The following MATN2 variants were observed in gnomAD, a reference collection of about 807,000 sequenced individuals.
MATN2 encodes matrilin 2.
In MATN2, 69 loss-of-function variants were observed where a neutral mutation model predicts 103.2. The observed-to-expected ratio is 0.67, with a 90% CI of 0.55 to 0.82. The LOEUF (loss-of-function observed/expected upper bound fraction) is 0.82. Ranked by LOEUF, MATN2 falls within the 40% of genes least tolerant of loss-of-function variation. The probability of loss-of-function intolerance (pLI) is 0.00; values close to 1 mark genes in which losing one functional copy is unlikely to be tolerated. For synonymous variants in MATN2, 429 were observed against 450.2 expected, an observed-to-expected ratio of 0.95 and a Z score of 0.60; for missense variants, 1,023 against 1,211.5, an observed-to-expected ratio of 0.84 and a Z score of 2.31.
chr8:97,970,045 G>T (rs758414866), intron 5 of MATN2, among the ~76,000 whole-genome samples: 1 of 152,228 alleles, frequency 6.6e-6, no homozygotes, highest in Non-Finnish European at 1.5e-5. Context: ...AGAGGTAGAA[G>T]AAAACAGCTT....
rs774694179 is a variant in MATN2, at chr8:97,994,617, G to A, written c.1204+15G>A. 1.9e-6 allele frequency: 3 copies of A among 1,606,840 alleles called. No homozygotes were observed. In the South Asian group the frequency reaches 3.4e-5, roughly 18 times the overall value. On this transcript the variant is annotated intron_variant, in intron 7 of 18. Transcript: ENST00000254898. ...AACCTGCAGAAGTAAGTTACAGTGG[G>A]AGTTGGAGAAGGGCTTGTTCTGCTA...
chr8:97,872,216 G>A lies in MATN2; in HGVS notation c.-27+2929G>A, dbSNP rs922696679. Among the ~76,000 whole-genome samples, 5 of 152,226 alleles carry A rather than the reference G, an allele frequency of 3.3e-5. No homozygotes were observed. The East Asian group carries it at 5.8e-4, about 18-fold the overall frequency. On this transcript the variant is annotated intron_variant, in intron 1 of 18. Coordinates refer to ENST00000254898, the MANE Select transcript of MATN2 (RefSeq NM_002380.5). ...TTAATGTGAATTTATCCAACAGTGT[G>A]TGAAGGGTGTAAAGTACTCAAAGTG... is the stretch of plus-strand genomic sequence containing the variant.
At chr8:98,022,410 T>C (rs1477021662) in intron 13 of MATN2, among the ~76,000 whole-genome samples, 1 of 152,098 alleles carries the variant, frequency 6.6e-6, no homozygotes, top group Admixed American at 6.6e-5. Flanking sequence ...TATTTAAGTT[T>C]TGTTCCAAAT....
intron 16 of MATN2, 74 bp downstream of exon 16, chr8:98,032,391 AAAG>A (rs1814065195): frequency 8.8e-7 from 1 of 1,135,232 alleles, no homozygotes; most frequent in African/African-American, 1.6e-5. Context: ...TAAAAGCTGT[AAAG>A]AAGTGAATGT....
In MATN2 at chr8:97,978,992, TA is replaced by T. The variant is rs1319426383; in HGVS notation, c.1072del (p.Thr358ArgfsTer5). 3.1e-6 allele frequency: 5 copies of T among 1,610,816 alleles called. No homozygotes were observed. The highest frequency in any genetic ancestry group is 3.4e-6 in the Non-Finnish European group (4 of 1,178,848). On this transcript the variant is annotated frameshift_variant, in exon 6 of 19. Transcript: ENST00000254898. LOFTEE classifies it high-confidence loss of function. ...ATGAAGGATTTGCTCTTAACCCAGA[TA>T]AAAAAACGTGCACAAGTAAGTTACA... Reference protein sequence around the residue: ...CHEGFALNPDKKTCTKIDYCA... With the variant: ...CHEGFALNPDXKTCTKIDYCA...
intron 7 of MATN2, among the ~76,000 whole-genome samples, chr8:98,000,465 C>T (rs535898391): frequency 5.9e-5 from 9 of 151,596 alleles, no homozygotes; most frequent in East Asian, 5.9e-4. Context: ...GGTGTGGTAG[C>T]GGGCACCTGT....
intron 7 of MATN2, among the ~76,000 whole-genome samples, chr8:97,999,800 C>T (rs549008387): frequency 6.6e-6 from 1 of 152,020 alleles, no homozygotes; most frequent in South Asian, 2.1e-4. Context: ...CCATTCTGCT[C>T]ATACTCTGGG....
chr8:98,006,505 C>T (rs1192644324), intron 8 of MATN2, among the ~76,000 whole-genome samples: 1 of 152,216 alleles, frequency 6.6e-6, no homozygotes, highest in Non-Finnish European at 1.5e-5. Flanking sequence ...TGGGACTGCC[C>T]AGCATCCATA....
At chr8:97,998,324 T>A (rs1306500634) in intron 7 of MATN2, among the ~76,000 whole-genome samples, 1 of 150,328 alleles carries the variant, frequency 6.7e-6, no homozygotes, top group African/African-American at 2.4e-5. Context: ...ATCGAGACCA[T>A]CCTGGCTAAC....
intron 2 of MATN2, among the ~76,000 whole-genome samples, chr8:97,929,425 G>C (rs1020752808): frequency 1.4e-4 from 22 of 152,062 alleles, no homozygotes; most frequent in African/African-American, 5.1e-4. Context: ...GTAGAGAATG[G>C]GGGAGGAGGG....
chr8:97,956,450 T>C (rs1811148959), intron 4 of MATN2, among the ~76,000 whole-genome samples: 1 of 152,216 alleles, frequency 6.6e-6, no homozygotes, highest in South Asian at 2.1e-4. Flanking sequence ...ATGCTGGGAT[T>C]ATGGGTGTGA....
intron 13 of MATN2, among the ~76,000 whole-genome samples, chr8:98,026,178 C>A (rs1433536216): frequency 2.9e-3 from 322 of 109,666 alleles, no homozygotes; most frequent in South Asian, 5.6e-3. Flanking sequence ...GACTCAATCT[C>A]AAAAAAAAAA....
rs147473016 is a variant in MATN2, at chr8:97,894,640, C to T, written c.142+6398C>T. Among the ~76,000 whole-genome samples the T allele has an allele frequency of 7.3e-4, 111 of 152,088 alleles. 2 individuals carry two copies. In the East Asian group the frequency reaches 0.019, roughly 26 times the overall value. On this transcript the variant is annotated intron_variant, in intron 2 of 18. Transcript: ENST00000254898. The stretch of plus-strand genomic sequence containing the variant: ...CCTGGCAGAATTCACCTTACACAGC[C>T]CCAAATTCTGCTCTTGGGGAATCAC...
intron 5 of MATN2, among the ~76,000 whole-genome samples, chr8:97,975,137 AG>A (rs1474881987): frequency 1.3e-5 from 2 of 152,236 alleles, no homozygotes; most frequent in African/African-American, 4.8e-5. Flanking sequence ...AGGCGTGTAC[AG>A]GTGTTTTAAA....
intron 2 of MATN2, among the ~76,000 whole-genome samples, chr8:97,909,273 C>A (rs1005668273): frequency 6.6e-6 from 1 of 152,224 alleles, no homozygotes; most frequent in Non-Finnish European, 1.5e-5. Context: ...AGAATCAATT[C>A]TCTGTAGAAT....
chr8:98,025,276 A>G (rs950754971), intron 13 of MATN2: 1 of 152,962 alleles, frequency 6.5e-6, no homozygotes, highest in Non-Finnish European at 1.5e-5. Context: ...ACTCACGCAC[A>G]CACACACACA....
rs193246498 is a variant in MATN2, at chr8:98,021,091, G to A, written c.1820-114G>A. The stretch of plus-strand genomic sequence containing the variant: ...AAAGACATTATGAAGGAGGTTTGAA[G>A]AGAGGTGTATTTTCTTTAAAAGAGA... On this transcript the variant is annotated intron_variant, in intron 12 of 18. Transcript: ENST00000254898. 3.2e-3 allele frequency: 3,181 copies of A among 986,834 alleles called. 8 individuals carry two copies. Among genetic ancestry groups the A allele is most frequent in the Non-Finnish European group, 3.2e-3 (2,182 of 675,962 alleles). The allele number at this position is 986,834 out of a possible 1,614,324, so 61.1% of individuals were successfully genotyped here.
At chr8:97,974,859 G>A (rs1811780833) in intron 5 of MATN2, among the ~76,000 whole-genome samples, 1 of 152,218 alleles carries the variant, frequency 6.6e-6, no homozygotes, top group Non-Finnish European at 1.5e-5. Flanking sequence ...GTTTTAGCGT[G>A]CCTCAGAATC....
intron 7 of MATN2, among the ~76,000 whole-genome samples, chr8:98,001,741 G>T (rs529877363): frequency 6.6e-6 from 1 of 152,250 alleles, no homozygotes; most frequent in South Asian, 2.1e-4. Flanking sequence ...GCCTTCCAAA[G>T]TGCTGGGATT....
Sources: gnomAD v4.1 joint callset for allele counts (sites outside exome capture counted in the v4.1 genomes callset) on GRCh38, gnomAD v4.1.1 for gene constraint, MANE v1.5 for transcripts, NCBI Gene and HGNC (gene_info 2026-07-23, HGNC 2026-07-21) for gene names.